The following DDX10 variants were observed in gnomAD, a reference collection of about 807,000 sequenced individuals.
The protein encoded by DDX10 is probable ATP-dependent RNA helicase DDX10.
In DDX10, 74 loss-of-function variants were observed where a neutral mutation model predicts 104.3. The ratio of observed to expected loss-of-function variants is 0.71; its 90% CI spans 0.59 to 0.86. The LOEUF (loss-of-function observed/expected upper bound fraction) is 0.86, where lower values mean the gene tolerates loss of function less well. Among genes scored for constraint, DDX10 ranks in the 40% least tolerant of loss-of-function variants. The probability of loss-of-function intolerance (pLI) is 0.00; values close to 1 mark genes in which losing one functional copy is unlikely to be tolerated. For missense variants in DDX10, 952 were observed against 1,040.0 expected, an observed-to-expected ratio of 0.92 and a Z score of 1.16; for synonymous variants, 351 against 353.4, an observed-to-expected ratio of 0.99 and a Z score of 0.08.
intron 13 of DDX10, among the ~76,000 whole-genome samples, chr11:108,804,341 A>G (rs112798226): frequency 4.6e-5 from 7 of 151,964 alleles, no homozygotes; most frequent in Non-Finnish European, 1.0e-4. Flanking sequence ...GTACAAAACA[A>G]TAAAAAAAAT....
At chr11:108,826,257 G>T (rs958250678) in intron 13 of DDX10, among the ~76,000 whole-genome samples, 17 of 152,206 alleles carry the variant, frequency 1.1e-4, no homozygotes, top group Admixed American at 1.1e-3. Flanking sequence ...CTTTCATCCA[G>T]TGTAACTAAG....
chr11:108,794,992 T>C (rs1047885048), intron 13 of DDX10, among the ~76,000 whole-genome samples: 1 of 152,114 alleles, frequency 6.6e-6, no homozygotes, highest in Admixed American at 6.5e-5. Flanking sequence ...TGTGCCTGGC[T>C]AATTTTTGTA....
intron 10 of DDX10, among the ~76,000 whole-genome samples, chr11:108,707,044 T>C (rs901528868): frequency 7.9e-5 from 12 of 152,306 alleles, no homozygotes; most frequent in African/African-American, 2.6e-4. Context: ...TCCCCAAACA[T>C]GCACAGCCTC....
chr11:108,864,231 G>A (rs1369647509), intron 16 of DDX10, among the ~76,000 whole-genome samples: 2 of 152,020 alleles, frequency 1.3e-5, no homozygotes, highest in Admixed American at 1.3e-4. Context: ...GTTCAATCGC[G>A]GCTGGAAATC....
At chr11:108,853,415 A>G (rs1862822054) in intron 16 of DDX10, among the ~76,000 whole-genome samples, 1 of 152,232 alleles carries the variant, frequency 6.6e-6, no homozygotes, top group Admixed American at 6.5e-5. Flanking sequence ...TGTAAAATGA[A>G]AGATATAATC....
intron 16 of DDX10, among the ~76,000 whole-genome samples, chr11:108,905,033 G>A (rs137972827): frequency 2.0e-5 from 3 of 152,124 alleles, no homozygotes; most frequent in African/African-American, 4.8e-5. Flanking sequence ...GTTCAGCCCC[G>A]AGCAGTAGTA....
At chr11:108,830,878 A>G (rs1862460169) in intron 13 of DDX10, among the ~76,000 whole-genome samples, 2 of 152,250 alleles carry the variant, frequency 1.3e-5, no homozygotes. Context: ...CTTTAAAACA[A>G]AATATCAAAT....
intron 13 of DDX10, among the ~76,000 whole-genome samples, chr11:108,836,200 G>A (rs190319005): frequency 3.6e-4 from 55 of 152,304 alleles, no homozygotes; most frequent in Admixed American, 7.2e-4. Context: ...ATGGGTTGGA[G>A]ATGGTAGTAA....
chr11:108,887,568 ACT>A (rs908070650), intron 16 of DDX10, among the ~76,000 whole-genome samples: 1 of 150,694 alleles, frequency 6.6e-6, no homozygotes, highest in Admixed American at 6.6e-5. Context: ...CTAACCGGAA[ACT>A]CATAGTCTGC....
intron 13 of DDX10, among the ~76,000 whole-genome samples, chr11:108,836,688 T>C (rs1862559908): frequency 1.3e-5 from 2 of 152,104 alleles, no homozygotes; most frequent in Admixed American, 6.6e-5. Flanking sequence ...GGGGTTTTGC[T>C]GTGTTGGCTG....
intron 13 of DDX10, among the ~76,000 whole-genome samples, chr11:108,771,200 T>C (rs921693865): frequency 2.6e-5 from 4 of 152,300 alleles, no homozygotes; most frequent in South Asian, 4.1e-4. Flanking sequence ...GATCAGATTA[T>C]TAGATTTTTT....
At chr11:108,745,189 CT>C (rs2094330277) in intron 13 of DDX10, among the ~76,000 whole-genome samples, 6 of 142,020 alleles carry the variant, frequency 4.2e-5, no homozygotes, top group Admixed American at 7.0e-5. Flanking sequence ...CTCCCCTCCC[CT>C]TCCTTCCCTT....
intron 10 of DDX10, among the ~76,000 whole-genome samples, chr11:108,710,791 A>C (rs925029111): frequency 3.9e-5 from 6 of 152,232 alleles, no homozygotes; most frequent in Admixed American, 2.6e-4. Flanking sequence ...ACACATGAGT[A>C]ATGTATTGCC....
intron 13 of DDX10, among the ~76,000 whole-genome samples, chr11:108,797,040 T>A: frequency 7.0e-6 from 1 of 142,872 alleles, no homozygotes; most frequent in South Asian, 2.2e-4. Flanking sequence ...CCTCTTCTAA[T>A]TTTTTTTTTT....
chr11:108,861,689 G>A (rs549084832), intron 16 of DDX10, among the ~76,000 whole-genome samples: 15 of 152,180 alleles, frequency 9.9e-5, no homozygotes, highest in Middle Eastern at 3.4e-3. Flanking sequence ...ACTTGAGAGT[G>A]TTCTAATTTC....
intron 13 of DDX10, among the ~76,000 whole-genome samples, chr11:108,812,759 A>T (rs1862201114): frequency 6.6e-6 from 1 of 152,054 alleles, no homozygotes; most frequent in Admixed American, 6.6e-5. Context: ...AGGTGGGTGG[A>T]TCACGTGAAG....
Position 108,723,063 on chromosome 11 carries a change from A to T in DDX10, c.1566A>T (p.Lys522Asn). Reference sequence around the variant, plus strand: ...AGAAAATGCAGAAACAACCCACCAAAGAATTGGTAAGGAGCCAAGCCGATA... The same window carrying T: ...AGAAAATGCAGAAACAACCCACCAATGAATTGGTAAGGAGCCAAGCCGATA... ...FLQKMQKQPT[K>N]ELVRSQADKV... The change falls in exon 13 of 18, where the codon AAA (lysine) becomes AAT (asparagine). Residue 522 changes from lysine to asparagine, a missense_variant. By Grantham distance (94) the Lys-to-Asn change is moderately conservative. Coordinates refer to ENST00000322536, the MANE Select transcript of DDX10 (RefSeq NM_004398.4). The T allele has an allele frequency of 6.8e-6, 11 of 1,613,386 alleles. No individual in the cohort carries two copies. Among genetic ancestry groups the T allele is most frequent in the Non-Finnish European group, 9.3e-6 (11 of 1,179,770 alleles).
rs1023730502 is a variant in DDX10, at chr11:108,757,808, A to G, written c.1965+34346A>G. ...TTGGTTCATTTTCTTACTGTCTGTC[A>G]ATCTCAGCTAGTTACTGCTTGCTGT... On this transcript the variant is annotated intron_variant, in intron 13 of 17. Coordinates refer to ENST00000322536, the MANE Select transcript of DDX10 (RefSeq NM_004398.4). 3.3e-5 allele frequency among the ~76,000 whole-genome samples: 5 copies of G among 151,972 alleles called. No individual in the cohort carries two copies. The East Asian group carries it at 9.7e-4, about 29-fold the overall frequency.
chr11:108,768,628 T>C (rs1317942151), intron 13 of DDX10, among the ~76,000 whole-genome samples: 1 of 152,238 alleles, frequency 6.6e-6, no homozygotes, highest in African/African-American at 2.4e-5. Context: ...AAGAGCATAC[T>C]TGAGGTAACT....
Sources: allele counts gnomAD v4.1 joint callset (sites outside exome capture counted in the v4.1 genomes callset), GRCh38; gene constraint gnomAD v4.1.1; transcripts MANE v1.5; gene names NCBI Gene and HGNC (gene_info 2026-07-23, HGNC 2026-07-21).